MAST4: variants seen among roughly 807,000 people sequenced by gnomAD.
MAST4 encodes microtubule associated serine/threonine kinase family member 4.
In MAST4, 89 loss-of-function variants were observed where a neutral mutation model predicts 162.7. The observed-to-expected ratio is 0.55, with a 90% CI of 0.46 to 0.65. The LOEUF is 0.65. MAST4 is among the 30% of genes least tolerant of loss of function. The pLI, the probability that MAST4 is intolerant of heterozygous loss-of-function variation, is 0.00. For synonymous variants in MAST4, 1,479 were observed against 1,361.1 expected, an observed-to-expected ratio of 1.09 and a Z score of -1.91; for missense variants, 3,153 against 3,374.0, an observed-to-expected ratio of 0.93 and a Z score of 1.62.
intron 24 of MAST4, among the ~76,000 whole-genome samples, chr5:67,150,349 T>G (rs538503297): frequency 6.6e-6 from 1 of 152,366 alleles, no homozygotes; most frequent in Admixed American, 6.5e-5. Flanking sequence ...GGCTTGTTTT[T>G]GGAAGAAAAC....
intron 1 of MAST4, among the ~76,000 whole-genome samples, chr5:66,695,113 C>G (rs1749313907): frequency 6.6e-6 from 1 of 152,076 alleles, no homozygotes; most frequent in Admixed American, 6.6e-5. Flanking sequence ...TCCTGAATGG[C>G]ATTTTCTAGA....
chr5:66,893,830 C>G (rs181488536), intron 3 of MAST4, among the ~76,000 whole-genome samples: 1 of 152,204 alleles, frequency 6.6e-6, no homozygotes, highest in African/African-American at 2.4e-5. Context: ...GAATGTAGAC[C>G]ATTTTTGCCT....
intron 3 of MAST4, among the ~76,000 whole-genome samples, chr5:66,808,073 G>T (rs760756798): frequency 6.6e-6 from 1 of 152,204 alleles, no homozygotes; most frequent in Non-Finnish European, 1.5e-5. Context: ...CAGTCTTGAG[G>T]TGGAATGTCC....
intron 1 of MAST4, among the ~76,000 whole-genome samples, chr5:66,632,562 A>G (rs1744855002): frequency 6.6e-6 from 1 of 152,196 alleles, no homozygotes; most frequent in Admixed American, 6.6e-5. Flanking sequence ...CCCTCTGCAC[A>G]CTGTCTGCAA....
chr5:67,164,984 C>A lies in MAST4; in HGVS notation c.5805C>A (p.Pro1935=), dbSNP rs770286274. Residue 1935 remains proline (P), a synonymous_variant, in exon 29 of 29, where the codon CCC becomes CCA. Coordinates refer to ENST00000403625, the MANE Select transcript of MAST4 (RefSeq NM_001164664.2). The surrounding 1 kb of genome is among the most constrained non-coding windows in gnomAD (Gnocchi z 5.3). ...SPKHQDHTTD[P]KLLTCLGQNL... is the part of the protein sequence containing the mutation. Reference sequence around the variant, plus strand: ...AACACCAAGACCACACCACTGACCCCAAGCTTCTGACCTGCCTGGGGCAGA... The same window carrying A: ...AACACCAAGACCACACCACTGACCCAAAGCTTCTGACCTGCCTGGGGCAGA... 1 of 1,613,774 alleles carries A rather than the reference C, an allele frequency of 6.2e-7. No homozygotes were observed. The highest frequency in any genetic ancestry group is 1.3e-5 in the African/African-American group (1 of 74,928).
chr5:66,864,652 C>T (rs1006613233), intron 3 of MAST4, among the ~76,000 whole-genome samples: 2 of 151,408 alleles, frequency 1.3e-5, no homozygotes, highest in Admixed American at 6.6e-5. Flanking sequence ...TGTCCCCCCC[C>T]GAAAATACAT....
At chr5:66,902,624 C>A in intron 4 of MAST4, 2 of 445,292 alleles carry the variant, frequency 4.5e-6, no homozygotes, top group Non-Finnish European at 9.2e-6. Context: ...TGAAGACTCT[C>A]TTGTTTTATA....
At chr5:66,936,714 T>C (rs1742788346) in intron 4 of MAST4, among the ~76,000 whole-genome samples, 1 of 152,216 alleles carries the variant, frequency 6.6e-6, no homozygotes, top group South Asian at 2.1e-4. Flanking sequence ...CTCAGAGGCC[T>C]GACAATCATG....
At chr5:66,599,256 T>C (rs1742400642) in intron 1 of MAST4, among the ~76,000 whole-genome samples, 1 of 152,178 alleles carries the variant, frequency 6.6e-6, no homozygotes, top group Non-Finnish European at 1.5e-5. Context: ...AGGGGGGTGT[T>C]CACCTTCACT....
chr5:66,999,844 T>C (rs565648556), intron 4 of MAST4, among the ~76,000 whole-genome samples: 3 of 152,344 alleles, frequency 2.0e-5, no homozygotes, highest in African/African-American at 7.2e-5. Flanking sequence ...CTATTATCTG[T>C]CTTAGTTTTC....
intron 3 of MAST4, among the ~76,000 whole-genome samples, chr5:66,879,367 TATA>T (rs1364758551): frequency 4.0e-5 from 3 of 75,024 alleles, no homozygotes; most frequent in Admixed American, 1.3e-4. Context: ...CACACATATA[TATA>T]TATATATATA....
chr5:67,010,357 G>A (rs570678335), intron 4 of MAST4, among the ~76,000 whole-genome samples: 3 of 152,248 alleles, frequency 2.0e-5, no homozygotes, highest in Admixed American at 6.5e-5. Flanking sequence ...TTCAGATAAC[G>A]TGGTCAGGGA....
intron 3 of MAST4, among the ~76,000 whole-genome samples, chr5:66,855,031 T>C (rs1476528886): frequency 3.3e-5 from 5 of 152,226 alleles, no homozygotes; most frequent in Non-Finnish European, 7.3e-5. Context: ...GTTCACATGC[T>C]GTTTGACACT....
At chr5:67,142,561 G>A (rs1292613558) in intron 21 of MAST4, 28 bp downstream of exon 21, 3 of 1,406,858 alleles carry the variant, frequency 2.1e-6, no homozygotes, top group Non-Finnish European at 3.0e-6. Flanking sequence ...TAAACATACA[G>A]AGTCTCTCTG....
chr5:66,725,962 G>T (rs780259226), intron 1 of MAST4, among the ~76,000 whole-genome samples: 6 of 152,002 alleles, frequency 3.9e-5, no homozygotes, highest in Non-Finnish European at 7.4e-5. Context: ...AATTTAGCTG[G>T]CATTCCTGGT....
At position 67,004,872 on chromosome 5, in the gene MAST4, G is replaced by A. The variant is rs1751781080; in HGVS notation, c.675-49532G>A. ...CAGTTCCCATCACATTTTCTCTGGA[G>A]GGAGTGAGTAGATAATTGGGATTTT... is the stretch of plus-strand genomic sequence containing the variant. On this transcript the variant is annotated intron_variant, in intron 4 of 28. Transcript: ENST00000403625. 7 of 647,750 alleles carry A rather than the reference G, an allele frequency of 1.1e-5. No individual in the cohort carries two copies. In the East Asian group the frequency reaches 1.6e-4, roughly 15 times the overall value. The allele number at this position is 647,750 out of a possible 1,614,324, so 40.1% of individuals were successfully genotyped here.
intron 4 of MAST4, among the ~76,000 whole-genome samples, chr5:67,022,817 C>T (rs1036662316): frequency 1.3e-5 from 2 of 151,866 alleles, no homozygotes; most frequent in Non-Finnish European, 2.9e-5. Context: ...TTCAATTGAT[C>T]TGATTTGTGT....
In MAST4 at chr5:67,163,488, A is replaced by C; in HGVS notation, c.4309A>C (p.Arg1437=). 1 of 1,613,238 alleles carries C rather than the reference A, an allele frequency of 6.2e-7. No individual in the cohort carries two copies. Among genetic ancestry groups the C allele is most frequent in the South Asian group, 1.1e-5 (1 of 91,004 alleles). Residue 1437 remains arginine (R), a synonymous_variant, in exon 29 of 29, where the codon AGG becomes CGG. Coordinates refer to ENST00000403625, the MANE Select transcript of MAST4 (RefSeq NM_001164664.2). This position sits in a 1 kb window ranked among gnomAD's most constrained non-coding sequence, Gnocchi z 7.0. The part of the protein sequence containing the change: ...IVRPKSAEPP[R]SPLLKRVQSE... The stretch of plus-strand genomic sequence containing the variant: ...GAGGCCCAAGAGTGCGGAGCCCCCC[A>C]GGTCCCCGCTGCTCAAGCGCGTGCA...
chr5:66,986,620 T>TATATATA (rs58502962), intron 4 of MAST4: 480 of 179,610 alleles, frequency 2.7e-3, no homozygotes, highest in Admixed American at 6.2e-3. Flanking sequence ...ATATATATAT[T>TATATATA]TATTTATTTA....
Sources: allele counts gnomAD v4.1 joint callset (sites outside exome capture counted in the v4.1 genomes callset), GRCh38; gene constraint gnomAD v4.1.1; non-coding constraint Gnocchi (gnomAD v3.1); transcripts MANE v1.5; gene names NCBI Gene and HGNC (gene_info 2026-07-23, HGNC 2026-07-21).